The following ADGRL2 variants were observed in gnomAD, a reference collection of about 807,000 sequenced individuals.
ADGRL2 encodes adhesion G protein-coupled receptor L2, also known as calcium-independent alpha-latrotoxin receptor 2.
A neutral mutation model predicts 157.4 loss-of-function variants in ADGRL2; 44 were observed. That is an observed-to-expected ratio of 0.28 (90% CI 0.22 to 0.36). The LOEUF is 0.36. ADGRL2 is among the 10% of genes least tolerant of loss of function. The probability of loss-of-function intolerance (pLI) is 1.00; values close to 1 mark genes in which losing one functional copy is unlikely to be tolerated. For synonymous variants in ADGRL2, 585 were observed against 624.7 expected, an observed-to-expected ratio of 0.94 and a Z score of 0.95; for missense variants, 1,510 against 1,768.9, an observed-to-expected ratio of 0.85 and a Z score of 2.63.
intron 1 of ADGRL2, among the ~76,000 whole-genome samples, chr1:81,706,406 G>C (rs2083739205): frequency 6.6e-6 from 1 of 151,960 alleles, no homozygotes; most frequent in South Asian, 2.1e-4. Flanking sequence ...AACATAGGAG[G>C]GGATGTAAAT....
intron 2 of ADGRL2, among the ~76,000 whole-genome samples, chr1:81,784,624 A>G (rs1265986305): frequency 6.6e-6 from 1 of 150,950 alleles, no homozygotes; most frequent in Non-Finnish European, 1.5e-5. Flanking sequence ...GCTATTCCGG[A>G]GGCTGAGGCA....
chr1:81,740,842 G>A (rs1052097620), intron 1 of ADGRL2, among the ~76,000 whole-genome samples: 16 of 152,126 alleles, frequency 1.1e-4, no homozygotes, highest in Admixed American at 1.3e-4. Context: ...AGAGATGAAA[G>A]AGATTCAGAC....
chr1:81,385,250 G>T (rs976223482), intron 1 of ADGRL2, among the ~76,000 whole-genome samples: 1 of 151,972 alleles, frequency 6.6e-6, no homozygotes, highest in Admixed American at 6.6e-5. Context: ...TACAGCTTTC[G>T]GGGCTTGGTG....
At chr1:81,777,040 A>G (rs1009231542) in intron 2 of ADGRL2, among the ~76,000 whole-genome samples, 1 of 152,194 alleles carries the variant, frequency 6.6e-6, no homozygotes, top group African/African-American at 2.4e-5. Flanking sequence ...TTTTCAGGCT[A>G]AAAATTCCCA....
At chr1:81,489,251 TAATAA>T (rs1409350041) in intron 2 of ADGRL2, among the ~76,000 whole-genome samples, 6 of 149,958 alleles carry the variant, frequency 4.0e-5, no homozygotes, top group Non-Finnish European at 8.9e-5. Flanking sequence ...AAAAAATTAA[TAATAA>T]AATAAAATAG....
chr1:81,920,195 G>A (rs1417692786), intron 3 of ADGRL2, among the ~76,000 whole-genome samples: 1 of 152,100 alleles, frequency 6.6e-6, no homozygotes, highest in Non-Finnish European at 1.5e-5. Context: ...ATTAAAAGCT[G>A]CCTGTTAAGG....
intron 2 of ADGRL2, among the ~76,000 whole-genome samples, chr1:81,504,111 C>T (rs999498790): frequency 6.6e-6 from 1 of 152,188 alleles, no homozygotes; most frequent in African/African-American, 2.4e-5. Flanking sequence ...AGGGCCAGGG[C>T]CCACAGGGCA....
rs570618225 is a variant in ADGRL2 at position 81,768,186 on chromosome 1, C to T, written c.-101+6334C>T. On this transcript the variant is annotated intron_variant, in intron 2 of 20. Transcript: ENST00000359929. The stretch of plus-strand genomic sequence containing the variant: ...TCAGCTTCCTGAGTAACTACGACTA[C>T]AGACTCGTACCACCACAACCAGTTA... 2.0e-5 allele frequency among the ~76,000 whole-genome samples: 3 copies of T among 152,018 alleles called. No individual in the cohort carries two copies. The East Asian group carries it at 5.9e-4, about 30-fold the overall frequency.
At chr1:81,494,905 G>A (rs545110484) in intron 2 of ADGRL2, among the ~76,000 whole-genome samples, 18 of 152,000 alleles carry the variant, frequency 1.2e-4, no homozygotes, top group South Asian at 8.3e-4. Flanking sequence ...AAATTAATTC[G>A]CCCATGTAAA....
chr1:81,435,404 G>T (rs538564409), intron 1 of ADGRL2, among the ~76,000 whole-genome samples: 10 of 152,348 alleles, frequency 6.6e-5, no homozygotes, highest in Non-Finnish European at 1.2e-4. Flanking sequence ...CAATCTCTCT[G>T]TGAGGATGTC....
At chr1:81,572,044 TAAA>T (rs542902824) in intron 2 of ADGRL2, among the ~76,000 whole-genome samples, 36 of 152,278 alleles carry the variant, frequency 2.4e-4, no homozygotes, top group African/African-American at 8.4e-4. Flanking sequence ...TATAAAGACT[TAAA>T]AACAAATTGA....
chr1:81,773,320 A>C (rs1190827076), intron 2 of ADGRL2, among the ~76,000 whole-genome samples: 1 of 152,228 alleles, frequency 6.6e-6, no homozygotes, highest in Non-Finnish European at 1.5e-5. Context: ...TTACATAAAG[A>C]AAATTAAATT....
Position 81,993,081 on chromosome 1 carries a change from ATATATATTTTTTTTTTTTTT to A in ADGRL2, c.*1938_*1957del, listed in dbSNP as rs1194492502. Among the ~76,000 whole-genome samples the A allele has an allele frequency of 1.4e-3, 40 of 29,142 alleles. No homozygotes were observed. Among genetic ancestry groups the A allele is most frequent in the Middle Eastern group, 0.015 (1 of 68 alleles). 19.1% of individuals were successfully genotyped at this position (29,142 alleles called of 152,430 possible). On this transcript the variant is annotated 3_prime_UTR_variant, in exon 24 of 24. Coordinates refer to ENST00000686636, the MANE Select transcript of ADGRL2 (RefSeq NM_001366006.2). ...TACATATATATATATATATATATAT[ATATATATTTTTTTTTTTTTT>A]TTTTTTTTTTTTTTTTTTGGGACAG...
chr1:81,375,053 A>G (rs1196221560), intron 1 of ADGRL2, among the ~76,000 whole-genome samples: 1 of 152,204 alleles, frequency 6.6e-6, no homozygotes, highest in Non-Finnish European at 1.5e-5. Context: ...GTTATCATGG[A>G]GTGTTGTTCC....
chr1:81,518,538 G>T (rs372603023), intron 2 of ADGRL2, among the ~76,000 whole-genome samples: 2 of 152,146 alleles, frequency 1.3e-5, no homozygotes, highest in South Asian at 4.1e-4. Context: ...TTAAGATAGC[G>T]GAAAGAGATG....
intron 1 of ADGRL2, among the ~76,000 whole-genome samples, chr1:81,731,504 C>CTT (rs34615420): frequency 2.0e-5 from 3 of 149,202 alleles, no homozygotes; most frequent in South Asian, 4.2e-4. Flanking sequence ...GTTCTATCAT[C>CTT]TTTTTTTTTT....
intron 3 of ADGRL2, among the ~76,000 whole-genome samples, chr1:81,650,993 A>C (rs1409320950): frequency 6.6e-6 from 1 of 152,198 alleles, no homozygotes; most frequent in Non-Finnish European, 1.5e-5. Flanking sequence ...AAAGAAGGAA[A>C]ATACTGACAG....
At chr1:81,887,888 T>A (rs2151356637) in intron 2 of ADGRL2, among the ~76,000 whole-genome samples, 1 of 152,232 alleles carries the variant, frequency 6.6e-6, no homozygotes, top group Non-Finnish European at 1.5e-5. Context: ...GCCCAGAAAA[T>A]ACCTCGTGAC....
At chr1:81,392,626 T>C (rs1303018039) in intron 1 of ADGRL2, among the ~76,000 whole-genome samples, 1 of 152,156 alleles carries the variant, frequency 6.6e-6, no homozygotes, top group Non-Finnish European at 1.5e-5. Context: ...GCCCAACCTC[T>C]CTGCTGGAAG....
Sources: allele counts gnomAD v4.1 joint callset (sites outside exome capture counted in the v4.1 genomes callset), GRCh38; gene constraint gnomAD v4.1.1; transcripts MANE v1.5; gene names NCBI Gene and HGNC (gene_info 2026-07-23, HGNC 2026-07-21).